CDKAL1: variants seen among roughly 807,000 people sequenced by gnomAD.
The protein encoded by CDKAL1 is CDKAL1 threonylcarbamoyladenosine tRNA methylthiotransferase.
Under a neutral mutation model 68.2 loss-of-function variants are expected in CDKAL1, and 32 were observed. The observed-to-expected ratio is 0.47, with a 90% CI of 0.35 to 0.63. CDKAL1 has a LOEUF of 0.63. Among genes scored for constraint, CDKAL1 ranks in the 30% least tolerant of loss-of-function variants. CDKAL1 has a pLI of 0.00. For synonymous variants in CDKAL1, 234 were observed against 244.3 expected (o/e 0.96, Z 0.39); for missense variants, 606 against 696.7 (o/e 0.87, Z 1.47).
At chr6:21,163,547 T>G (rs868509207) in intron 13 of CDKAL1, among the ~76,000 whole-genome samples, 2 of 152,120 alleles carry the variant, frequency 1.3e-5, no homozygotes, top group Admixed American at 1.3e-4. Flanking sequence ...TAACCAATCA[T>G]CCAAAATCCT....
At chr6:21,013,408 A>G (rs1403608877) in intron 11 of CDKAL1, among the ~76,000 whole-genome samples, 1 of 151,900 alleles carries the variant, frequency 6.6e-6, no homozygotes, top group Non-Finnish European at 1.5e-5. Flanking sequence ...TACATAGTAA[A>G]TGTATATATT....
At chr6:21,152,972 T>A (rs540270656) in intron 13 of CDKAL1, among the ~76,000 whole-genome samples, 9 of 152,294 alleles carry the variant, frequency 5.9e-5, no homozygotes, top group Non-Finnish European at 1.0e-4. Context: ...ATTTTCTAAA[T>A]TTTTTTGAGT....
intron 5 of CDKAL1, among the ~76,000 whole-genome samples, chr6:20,683,488 T>C (rs1427264865): frequency 6.6e-6 from 1 of 152,236 alleles, no homozygotes; most frequent in Non-Finnish European, 1.5e-5. Context: ...TAGTGTCTTA[T>C]CCTCTTCAAA....
chr6:20,799,074 C>T (rs1173975645), intron 8 of CDKAL1, among the ~76,000 whole-genome samples: 5 of 11,118 alleles, frequency 4.5e-4, no homozygotes, highest in Non-Finnish European at 1.2e-3. Context: ...TTTTTTGAGA[C>T]GGAGTTTTGC....
At chr6:21,047,742 C>A (rs1182271014) in intron 11 of CDKAL1, among the ~76,000 whole-genome samples, 4 of 152,048 alleles carry the variant, frequency 2.6e-5, no homozygotes, top group Admixed American at 2.0e-4. Context: ...ACAGGGACAT[C>A]ATAGAGGTAC....
At chr6:20,902,714 A>G (rs1372374683) in intron 9 of CDKAL1, among the ~76,000 whole-genome samples, 2 of 152,206 alleles carry the variant, frequency 1.3e-5, no homozygotes, top group Non-Finnish European at 2.9e-5. Context: ...TAGAGTAAAA[A>G]CAAATGACAA....
At chr6:21,148,303 A>G (rs1292639450) in intron 13 of CDKAL1, among the ~76,000 whole-genome samples, 1 of 152,224 alleles carries the variant, frequency 6.6e-6, no homozygotes, top group Non-Finnish European at 1.5e-5. Context: ...GGACTGACTT[A>G]GAACTGTGAA....
Position 20,855,526 on chromosome 6 carries a change from G to A in CDKAL1, c.742+9348G>A, listed in dbSNP as rs567928689. On this transcript the variant is annotated intron_variant, in intron 9 of 15. Coordinates refer to ENST00000274695, the MANE Select transcript of CDKAL1 (RefSeq NM_017774.3). ...AACACCCTGAAGGGATTTATTGGGTGCTAAGACAATACAAAGTATACTACT... is the reference window on the plus strand; with the variant it reads ...AACACCCTGAAGGGATTTATTGGGTACTAAGACAATACAAAGTATACTACT... 7.4e-5 allele frequency among the ~76,000 whole-genome samples: 11 copies of A among 148,868 alleles called. No individual in the cohort carries two copies. The South Asian group carries it at 2.1e-3, about 29-fold the overall frequency.
At chr6:20,947,062 G>A (rs1031993344) in intron 9 of CDKAL1, among the ~76,000 whole-genome samples, 5 of 152,106 alleles carry the variant, frequency 3.3e-5, no homozygotes, top group Non-Finnish European at 7.4e-5. Context: ...GTACATAATA[G>A]GTGTTCAACA....
intron 7 of CDKAL1, among the ~76,000 whole-genome samples, chr6:20,768,351 T>G (rs1446425916): frequency 2.0e-5 from 3 of 152,202 alleles, no homozygotes; most frequent in African/African-American, 7.2e-5. Flanking sequence ...AATATAAAAT[T>G]GAGTTTCAGA....
At chr6:20,643,863 A>G (rs1768306173) in intron 4 of CDKAL1, among the ~76,000 whole-genome samples, 1 of 152,042 alleles carries the variant, frequency 6.6e-6, no homozygotes, top group Non-Finnish European at 1.5e-5. Flanking sequence ...CTTGCTGTGT[A>G]GCCCAGGCTG....
At chr6:21,185,231 A>AT (rs1213952838) in intron 13 of CDKAL1, among the ~76,000 whole-genome samples, 2 of 151,922 alleles carry the variant, frequency 1.3e-5, no homozygotes, top group Non-Finnish European at 1.5e-5. Context: ...CATTAAAAAA[A>AT]AAAAAAGCAG....
At chr6:20,951,296 C>T (rs1764513678) in intron 9 of CDKAL1, among the ~76,000 whole-genome samples, 1 of 152,214 alleles carries the variant, frequency 6.6e-6, no homozygotes, top group African/African-American at 2.4e-5. Context: ...TAATTCATTA[C>T]AGTGAAGCTC....
chr6:20,711,137 A>G (rs1488212898), intron 5 of CDKAL1, among the ~76,000 whole-genome samples: 4 of 152,192 alleles, frequency 2.6e-5, no homozygotes, highest in Non-Finnish European at 5.9e-5. Flanking sequence ...ACAGGTAAAA[A>G]GCAAATAAAA....
chr6:20,801,541 A>G (rs937852970), intron 8 of CDKAL1, among the ~76,000 whole-genome samples: 1 of 152,128 alleles, frequency 6.6e-6, no homozygotes, highest in Non-Finnish European at 1.5e-5. Context: ...ACATCAGAAC[A>G]CTTCCTCTAA....
intron 5 of CDKAL1, among the ~76,000 whole-genome samples, chr6:20,734,204 A>G (rs1421196016): frequency 6.6e-6 from 1 of 151,590 alleles, no homozygotes; most frequent in Non-Finnish European, 1.5e-5. Context: ...TGTTTCTTCC[A>G]TTTGGTTTTT....
At chr6:20,685,639 T>C (rs1356368994) in intron 5 of CDKAL1, among the ~76,000 whole-genome samples, 1 of 152,248 alleles carries the variant, frequency 6.6e-6, no homozygotes, top group Non-Finnish European at 1.5e-5. Flanking sequence ...AAATATGGAA[T>C]ATCTCTTCAT....
At chr6:20,797,175 A>C (rs557560919) in intron 8 of CDKAL1, among the ~76,000 whole-genome samples, 1 of 152,220 alleles carries the variant, frequency 6.6e-6, no homozygotes, top group South Asian at 2.1e-4. Flanking sequence ...TTCAAAACTC[A>C]CTAGGAAAAC....
At chr6:20,593,892 G>A (rs975932940) in intron 4 of CDKAL1, among the ~76,000 whole-genome samples, 2 of 152,272 alleles carry the variant, frequency 1.3e-5, no homozygotes, top group South Asian at 4.1e-4. Context: ...GTTCTCATTG[G>A]TTTCAAAGAA....
Sources: allele counts gnomAD v4.1 joint callset (sites outside exome capture counted in the v4.1 genomes callset), GRCh38; gene constraint gnomAD v4.1.1; transcripts MANE v1.5; gene names NCBI Gene and HGNC (gene_info 2026-07-23, HGNC 2026-07-21).